Variants in HTR1F observed in about 807,000 individuals in gnomAD.
The protein encoded by HTR1F is 5-hydroxytryptamine (serotonin) receptor 1F, G protein-coupled.
In HTR1F, 17 loss-of-function variants were observed where a neutral mutation model predicts 24.0. That is an observed-to-expected ratio of 0.71 (90% confidence interval 0.48 to 1.06). The LOEUF (loss-of-function observed/expected upper bound fraction) is 1.06, where lower values mean the gene tolerates loss of function less well. Among genes scored for constraint, HTR1F ranks in the 50% least tolerant of loss-of-function variants. HTR1F has a pLI of 0.00. For synonymous variants in HTR1F, 186 were observed against 156.8 expected, an observed-to-expected ratio of 1.19 and a Z score of -1.39; for missense variants, 391 against 427.8, an observed-to-expected ratio of 0.91 and a Z score of 0.76.
In HTR1F at chr3:87,866,430, G is replaced by A. The variant is rs1383680627; in HGVS notation, c.-43+44306G>A. On this transcript the variant is annotated intron_variant, in intron 2 of 2. Coordinates refer to ENST00000319595, the MANE Select transcript of HTR1F (RefSeq NM_001322209.2). ...AAGCAAAGTTATAAATCCTTTGACC[G>A]AAAAACAACTAGCTCCTTTAGAAGG... Among the ~76,000 whole-genome samples, 5 of 152,080 alleles carry A rather than the reference G, an allele frequency of 3.3e-5. No individual in the cohort carries two copies. The South Asian group carries it at 6.2e-4, about 19-fold the overall frequency.
chr3:87,851,890 C>T (rs1429994310), intron 2 of HTR1F, among the ~76,000 whole-genome samples: 1 of 144,192 alleles, frequency 6.9e-6, no homozygotes, highest in Non-Finnish European at 1.5e-5. Flanking sequence ...ATTCTCAGAG[C>T]AAACAGGAAA....
chr3:87,886,429 A>C (rs1705944467), intron 2 of HTR1F, among the ~76,000 whole-genome samples: 2 of 152,206 alleles, frequency 1.3e-5, no homozygotes, highest in Non-Finnish European at 2.9e-5. Flanking sequence ...GAAAACTGGC[A>C]CAAGACAGAG....
intron 2 of HTR1F, among the ~76,000 whole-genome samples, chr3:87,843,487 C>A (rs1335530832): frequency 6.7e-6 from 1 of 150,234 alleles, no homozygotes; most frequent in Non-Finnish European, 1.5e-5. Flanking sequence ...ACCACTGGCC[C>A]TTCACCATCC....
chr3:87,928,371 T>C (rs1704179317), intron 2 of HTR1F, among the ~76,000 whole-genome samples: 1 of 152,168 alleles, frequency 6.6e-6, no homozygotes, highest in Non-Finnish European at 1.5e-5. Flanking sequence ...CTGAAAAATA[T>C]TTCACAAATG....
chr3:87,904,340 A>G (rs1559625424), intron 2 of HTR1F, among the ~76,000 whole-genome samples: 1 of 152,142 alleles, frequency 6.6e-6, no homozygotes, highest in Non-Finnish European at 1.5e-5. Context: ...GACACTCAAT[A>G]CGCTTTGATT....
chr3:87,882,799 T>C (rs1249361551), intron 2 of HTR1F, among the ~76,000 whole-genome samples: 1 of 151,950 alleles, frequency 6.6e-6, no homozygotes, highest in Admixed American at 6.6e-5. Context: ...GGCACATGTA[T>C]ACATATGTAA....
At chr3:87,948,734 G>A (rs750614390) in intron 2 of HTR1F, among the ~76,000 whole-genome samples, 66 of 152,250 alleles carry the variant, frequency 4.3e-4, no homozygotes, top group Non-Finnish European at 7.6e-4. Flanking sequence ...GCCCACCTTG[G>A]CCTCCCAGCT....
chr3:87,865,704 G>C (rs1705412864), intron 2 of HTR1F, among the ~76,000 whole-genome samples: 2 of 151,914 alleles, frequency 1.3e-5, no homozygotes, highest in African/African-American at 4.8e-5. Flanking sequence ...TCTCCCAAGT[G>C]TATAATATTC....
chr3:87,833,432 C>T (rs755420461), intron 2 of HTR1F, among the ~76,000 whole-genome samples: 33 of 152,082 alleles, frequency 2.2e-4, no homozygotes, highest in Non-Finnish European at 2.9e-4. Context: ...GGGTCAGAAC[C>T]TGTGAGCTGG....
chr3:87,847,835 G>T (rs1024275817), intron 2 of HTR1F, among the ~76,000 whole-genome samples: 1 of 151,784 alleles, frequency 6.6e-6, no homozygotes, highest in Non-Finnish European at 1.5e-5. Flanking sequence ...TACACATAAT[G>T]ACCTTCAGTT....
intron 2 of HTR1F, among the ~76,000 whole-genome samples, chr3:87,984,236 A>G (rs1008933112): frequency 2.5e-4 from 38 of 152,206 alleles, no homozygotes; most frequent in Middle Eastern, 3.2e-3. Context: ...TGATTAATTA[A>G]TTATCCCTCA....
intron 2 of HTR1F, among the ~76,000 whole-genome samples, chr3:87,889,387 C>T (rs1156394): frequency 0.45 from 68,554 of 152,064 alleles, 18,976 homozygotes; most frequent in South Asian, 0.64. Context: ...TATCACCTGC[C>T]ATTCCCTAAT....
At chr3:87,861,900 T>C (rs1431535437) in intron 2 of HTR1F, among the ~76,000 whole-genome samples, 1 of 152,182 alleles carries the variant, frequency 6.6e-6, no homozygotes, top group Non-Finnish European at 1.5e-5. Flanking sequence ...CCACTGCACA[T>C]AAAATATCAA....
intron 2 of HTR1F, among the ~76,000 whole-genome samples, chr3:87,937,767 C>CA (rs759649073): frequency 1.6e-4 from 24 of 151,610 alleles, no homozygotes; most frequent in Non-Finnish European, 3.4e-4. Context: ...ACTAAAAACA[C>CA]AAAAAAATCA....
In HTR1F at chr3:87,991,072, C is replaced by A. The variant is rs1434011209; in HGVS notation, c.323C>A (p.Thr108Lys). 1 of 1,613,874 alleles carries A rather than the reference C, an allele frequency of 6.2e-7. No homozygotes were observed. The highest frequency in any genetic ancestry group is 1.7e-5 in the Admixed American group (1 of 60,008). ...IWLSVDITCC[T>K]CSILHLSAIA... ...CTGAGTGTTGACATTACCTGCTGCA[C>A]GTGCTCCATCTTGCATCTCTCAGCT... Residue 108 changes from threonine to lysine, a missense_variant, in exon 3 of 3, where the codon ACG (threonine) becomes AAG (lysine). Transcript: ENST00000319595.
At chr3:87,848,758 G>C (rs967880631) in intron 2 of HTR1F, among the ~76,000 whole-genome samples, 8 of 151,546 alleles carry the variant, frequency 5.3e-5, no homozygotes, top group Admixed American at 1.3e-4. Flanking sequence ...CTTCAGCAAA[G>C]TCTCAGGATA....
At chr3:87,978,875 A>AGGGG in intron 2 of HTR1F, among the ~76,000 whole-genome samples, 3 of 17,346 alleles carry the variant, frequency 1.7e-4, no homozygotes, top group Non-Finnish European at 8.0e-4. Flanking sequence ...GATGGAAGGA[A>AGGGG]GGGAGGGAGG....
chr3:87,970,967 T>G (rs1705273958), intron 2 of HTR1F, among the ~76,000 whole-genome samples: 1 of 152,178 alleles, frequency 6.6e-6, no homozygotes, highest in Non-Finnish European at 1.5e-5. Flanking sequence ...TCACCTTCCT[T>G]CCTATAGCAA....
intron 1 of HTR1F, among the ~76,000 whole-genome samples, chr3:87,801,474 C>A (rs990814819): frequency 6.6e-6 from 1 of 152,102 alleles, no homozygotes; most frequent in African/African-American, 2.4e-5. Context: ...CCAAGGTGGT[C>A]GGGGCACAGC....
Sources: gnomAD v4.1 joint callset for allele counts (sites outside exome capture counted in the v4.1 genomes callset) on GRCh38, gnomAD v4.1.1 for gene constraint, MANE v1.5 for transcripts, NCBI Gene and HGNC (gene_info 2026-07-23, HGNC 2026-07-21) for gene names.